Variants in MACROD2 observed in about 807,000 individuals in gnomAD.
MACROD2 encodes ADP-ribose glycohydrolase MACROD2.
A neutral mutation model predicts 70.4 loss-of-function variants in MACROD2; 36 were observed. The ratio of observed to expected loss-of-function variants is 0.51; its 90% confidence interval spans 0.39 to 0.68. MACROD2 has a LOEUF of 0.68. Ranked by LOEUF, MACROD2 falls within the 30% of genes least tolerant of loss-of-function variation. The pLI, the probability that MACROD2 is intolerant of heterozygous loss-of-function variation, is 0.00. For missense variants in MACROD2, 496 were observed against 538.4 expected, an observed-to-expected ratio of 0.92 and a Z score of 0.78; for synonymous variants, 172 against 178.8, an observed-to-expected ratio of 0.96 and a Z score of 0.30.
intron 5 of MACROD2, among the ~76,000 whole-genome samples, chr20:14,767,659 A>T (rs2072108871): frequency 6.6e-6 from 1 of 151,672 alleles, no homozygotes; most frequent in South Asian, 2.1e-4. Context: ...AAAAAATTAT[A>T]TTTTAAGTTC....
chr20:14,379,034 A>C (rs757257595), intron 3 of MACROD2, among the ~76,000 whole-genome samples: 4 of 152,168 alleles, frequency 2.6e-5, no homozygotes, highest in Non-Finnish European at 5.9e-5. Context: ...TTCCCCAATA[A>C]TAATAATGAC....
chr20:15,268,973 G>C (rs1342326901), intron 6 of MACROD2, among the ~76,000 whole-genome samples: 1 of 152,180 alleles, frequency 6.6e-6, no homozygotes, highest in East Asian at 1.9e-4. Context: ...TCTCAAAAGA[G>C]GAATGCCATC....
At chr20:15,561,870 C>T (rs2048249183) in intron 8 of MACROD2, among the ~76,000 whole-genome samples, 1 of 151,992 alleles carries the variant, frequency 6.6e-6, no homozygotes, top group Non-Finnish European at 1.5e-5. Flanking sequence ...CTCTGCTTGA[C>T]ACCCTGTGTT....
At chr20:14,001,930 T>C (rs931660250) in intron 1 of MACROD2, among the ~76,000 whole-genome samples, 2 of 152,180 alleles carry the variant, frequency 1.3e-5, no homozygotes, top group Admixed American at 6.5e-5. Context: ...ATGTCACACA[T>C]TGGGGATTAC....
At chr20:14,840,240 G>T (rs2073073312) in intron 5 of MACROD2, among the ~76,000 whole-genome samples, 1 of 152,120 alleles carries the variant, frequency 6.6e-6, no homozygotes, top group Non-Finnish European at 1.5e-5. Flanking sequence ...GTTTCGCCAT[G>T]TTGGCCAGGC....
chr20:14,239,842 A>AC (rs1312158546), intron 3 of MACROD2, among the ~76,000 whole-genome samples: 1 of 152,246 alleles, frequency 6.6e-6, no homozygotes, highest in Admixed American at 6.5e-5. Flanking sequence ...GGACCTAATT[A>AC]AACTAAAGAG....
chr20:14,832,833 T>C (rs565876913), intron 5 of MACROD2, among the ~76,000 whole-genome samples: 1 of 152,058 alleles, frequency 6.6e-6, no homozygotes, highest in South Asian at 2.1e-4. Flanking sequence ...AGGTAGAGAG[T>C]GAGCTAAGAA....
At chr20:14,290,093 C>T (rs1054513181) in intron 3 of MACROD2, among the ~76,000 whole-genome samples, 6 of 152,066 alleles carry the variant, frequency 3.9e-5, no homozygotes, top group Admixed American at 2.0e-4. Context: ...GAAAGTGCAT[C>T]TGTTTTTGGT....
chr20:14,375,945 G>C (rs2083366825), intron 3 of MACROD2, among the ~76,000 whole-genome samples: 1 of 152,148 alleles, frequency 6.6e-6, no homozygotes, highest in Non-Finnish European at 1.5e-5. Flanking sequence ...GTATAAAACT[G>C]TTTACACATA....
intron 4 of MACROD2, among the ~76,000 whole-genome samples, chr20:14,569,403 A>G (rs908899494): frequency 7.9e-5 from 12 of 152,150 alleles, no homozygotes; most frequent in African/African-American, 2.9e-4. Context: ...ATATTGAGCC[A>G]TTACTGAAAA....
chr20:14,335,667 G>A (rs1016346377), intron 3 of MACROD2, among the ~76,000 whole-genome samples: 3 of 152,126 alleles, frequency 2.0e-5, no homozygotes, highest in African/African-American at 4.8e-5. Flanking sequence ...AACCCAATTA[G>A]TAACTGGTAG....
chr20:15,415,385 T>C (rs2046132823), intron 6 of MACROD2, among the ~76,000 whole-genome samples: 1 of 152,212 alleles, frequency 6.6e-6, no homozygotes, highest in African/African-American at 2.4e-5. Context: ...CATTAAGTGA[T>C]GTTTGTTACT....
intron 3 of MACROD2, among the ~76,000 whole-genome samples, chr20:14,253,973 A>C (rs2082032301): frequency 6.6e-6 from 1 of 152,124 alleles, no homozygotes; most frequent in Non-Finnish European, 1.5e-5. Flanking sequence ...GGGACTGTCA[A>C]ATGGGAAAAG....
chr20:14,876,802 G>A (rs2073556134), intron 5 of MACROD2, among the ~76,000 whole-genome samples: 1 of 152,032 alleles, frequency 6.6e-6, no homozygotes, highest in Non-Finnish European at 1.5e-5. Context: ...TGGGTTGTCT[G>A]TTTTGTTTCA....
intron 7 of MACROD2, among the ~76,000 whole-genome samples, chr20:15,495,438 C>T (rs1397871446): frequency 6.6e-6 from 1 of 152,202 alleles, no homozygotes; most frequent in Non-Finnish European, 1.5e-5. Context: ...TAGATTTTCA[C>T]ATAAATCTCT....
At chr20:14,940,207 G>A (rs2074378627) in intron 5 of MACROD2, among the ~76,000 whole-genome samples, 1 of 147,788 alleles carries the variant, frequency 6.8e-6, no homozygotes, top group South Asian at 2.1e-4. Flanking sequence ...GGTGGCACAT[G>A]CCTGTAGTCC....
chr20:15,198,973 A>G (rs138059718), intron 5 of MACROD2, among the ~76,000 whole-genome samples: 58 of 136,948 alleles, frequency 4.2e-4, no homozygotes, highest in African/African-American at 1.3e-3. Context: ...TTCATTGAGC[A>G]TTTTTTTTCA....
chr20:14,067,487 A>G (rs184331316), intron 2 of MACROD2, among the ~76,000 whole-genome samples: 1 of 152,310 alleles, frequency 6.6e-6, no homozygotes, highest in African/African-American at 2.4e-5. Flanking sequence ...CGTACATTTT[A>G]CTAAAAGGGC....
At position 14,705,664 on chromosome 20, in the gene MACROD2, G is replaced by A. The variant is rs149819395; in HGVS notation, c.418+20705G>A. On this transcript the variant is annotated intron_variant, in intron 5 of 17. Transcript: ENST00000684519. ...GAACCTTTTGACTAAATGGGCAGAA[G>A]TAATTGGGAATAAAAATGTGTTGGG... Among the ~76,000 whole-genome samples the A allele has an allele frequency of 1.3e-3, 205 of 152,316 alleles. 1 individual carries two copies. The highest frequency in any genetic ancestry group is 4.5e-3 in the African/African-American group (187 of 41,564).
Sources: gnomAD v4.1 joint callset for allele counts (sites outside exome capture counted in the v4.1 genomes callset) on GRCh38, gnomAD v4.1.1 for gene constraint, MANE v1.5 for transcripts, NCBI Gene and HGNC (gene_info 2026-07-23, HGNC 2026-07-21) for gene names.